Variants in GALNTL6 observed in about 807,000 individuals in gnomAD.
The protein encoded by GALNTL6 is polypeptide N-acetylgalactosaminyltransferase like 6.
A neutral mutation model predicts 73.7 loss-of-function variants in GALNTL6; 46 were observed. That is an observed-to-expected ratio of 0.62 (90% CI 0.49 to 0.80). The LOEUF (loss-of-function observed/expected upper bound fraction) is 0.80, where lower values mean the gene tolerates loss of function less well. Ranked by LOEUF, GALNTL6 falls within the 30% of genes least tolerant of loss-of-function variation. GALNTL6 has a pLI of 0.00. For synonymous variants in GALNTL6, 259 were observed against 263.7 expected (o/e 0.98, Z 0.17); for missense variants, 604 against 755.0 (o/e 0.80, Z 2.34).
chr4:172,052,831 T>A (rs1007511055), intron 2 of GALNTL6, among the ~76,000 whole-genome samples: 6 of 152,132 alleles, frequency 3.9e-5, no homozygotes, highest in African/African-American at 1.4e-4. Flanking sequence ...TCTACTAGCA[T>A]AAACATACAT....
rs116612577 is a variant in GALNTL6, at chr4:172,611,188, T to A, written c.554-198173T>A. ...CATTTAGCATGTTTACATTCAAGAT[T>A]AATATTGATATGTGCAGATTTGATC... On this transcript the variant is annotated intron_variant, in intron 5 of 12. Coordinates refer to ENST00000506823, the MANE Select transcript of GALNTL6 (RefSeq NM_001034845.3). 8.6e-3 allele frequency among the ~76,000 whole-genome samples: 1,301 copies of A among 152,152 alleles called. 21 individuals carry two copies. The highest frequency in any genetic ancestry group is 0.03 in the African/African-American group (1,235 of 41,522).
rs183763508 is a variant in GALNTL6 at position 171,900,345 on chromosome 4, T to C, written c.138+85627T>C. ...ATTTTTGAGACAGAGTCTCACTCTG[T>C]TGCCCAGGCTGGAGTGCAGTGGTGT... On this transcript the variant is annotated intron_variant, in intron 2 of 12. Coordinates refer to ENST00000506823, the MANE Select transcript of GALNTL6 (RefSeq NM_001034845.3). 3.3e-3 allele frequency among the ~76,000 whole-genome samples: 506 copies of C among 152,282 alleles called. 2 individuals carry two copies. The highest frequency in any genetic ancestry group is 8.1e-3 in the South Asian group (39 of 4,826).
chr4:172,148,710 C>A (rs1037204261), intron 2 of GALNTL6, among the ~76,000 whole-genome samples: 1 of 152,130 alleles, frequency 6.6e-6, no homozygotes, highest in Non-Finnish European at 1.5e-5. Flanking sequence ...ATTTGAAGAC[C>A]TTAGCTGCCA....
intron 5 of GALNTL6, among the ~76,000 whole-genome samples, chr4:172,590,923 G>A (rs771100144): frequency 5.9e-5 from 9 of 152,184 alleles, no homozygotes; most frequent in South Asian, 2.1e-4. Context: ...TTATTACTGC[G>A]TCGTGAAATG....
intron 5 of GALNTL6, among the ~76,000 whole-genome samples, chr4:172,716,256 C>T (rs1437857): frequency 1.8e-4 from 27 of 152,134 alleles, no homozygotes. Flanking sequence ...TGTCCATAGT[C>T]CCTGGGCTAA....
chr4:172,983,094 C>T (rs962503618), intron 10 of GALNTL6, among the ~76,000 whole-genome samples: 3 of 152,114 alleles, frequency 2.0e-5, no homozygotes, highest in Admixed American at 1.3e-4. Flanking sequence ...ACACATTCTA[C>T]GCATGTAACA....
At chr4:172,908,723 A>G (rs1747036277) in intron 8 of GALNTL6, among the ~76,000 whole-genome samples, 1 of 151,680 alleles carries the variant, frequency 6.6e-6, no homozygotes, top group African/African-American at 2.4e-5. Context: ...ACAATTTACA[A>G]CAGTGAAACA....
At chr4:172,177,813 GTGTGTGTATATATACACACACATATATA>G (rs1404300639) in intron 2 of GALNTL6, among the ~76,000 whole-genome samples, 22 of 121,036 alleles carry the variant, frequency 1.8e-4, no homozygotes, top group Middle Eastern at 3.8e-3. Flanking sequence ...ACACATATAT[GTGTGTGTATATATACACACACATATATA>G]TGTGTATATA....
At chr4:172,855,238 A>C (rs2111120330) in intron 7 of GALNTL6, among the ~76,000 whole-genome samples, 1 of 151,944 alleles carries the variant, frequency 6.6e-6, no homozygotes, top group Middle Eastern at 3.4e-3. Context: ...GGTTTTACAA[A>C]TAGTTTTCCT....
At chr4:172,042,489 G>A (rs1010426110) in intron 2 of GALNTL6, among the ~76,000 whole-genome samples, 17 of 151,696 alleles carry the variant, frequency 1.1e-4, no homozygotes, top group African/African-American at 2.4e-5. Context: ...ACGTTTTATA[G>A]CACTTCAAAC....
At chr4:172,212,491 G>A (rs932210663) in intron 2 of GALNTL6, among the ~76,000 whole-genome samples, 1 of 151,952 alleles carries the variant, frequency 6.6e-6, no homozygotes, top group African/African-American at 2.4e-5. Context: ...ATACATTAAG[G>A]TTCCCTGTTT....
chr4:172,322,231 C>T (rs76865332), intron 4 of GALNTL6, among the ~76,000 whole-genome samples: 3,978 of 152,208 alleles, frequency 0.026, 143 homozygotes, highest in African/African-American at 0.084. Flanking sequence ...GTCTTCTATG[C>T]GTAGTTCACT....
At chr4:172,880,519 T>A (rs1485515849) in intron 7 of GALNTL6, among the ~76,000 whole-genome samples, 2 of 152,012 alleles carry the variant, frequency 1.3e-5, no homozygotes, top group Admixed American at 1.3e-4. Context: ...TGAGAAGAGA[T>A]TACAAAGAGA....
At chr4:172,038,229 T>G (rs1216411237) in intron 2 of GALNTL6, among the ~76,000 whole-genome samples, 1 of 152,184 alleles carries the variant, frequency 6.6e-6, no homozygotes, top group Non-Finnish European at 1.5e-5. Context: ...TTTCTCTTGT[T>G]TTTTCCTGAT....
chr4:171,999,997 C>A (rs1300067969), intron 2 of GALNTL6, among the ~76,000 whole-genome samples: 2 of 152,016 alleles, frequency 1.3e-5, no homozygotes, highest in Non-Finnish European at 2.9e-5. Context: ...TAAAAGTTTT[C>A]TTTTGGAGAA....
At chr4:171,967,617 T>C (rs1739429714) in intron 2 of GALNTL6, among the ~76,000 whole-genome samples, 1 of 152,188 alleles carries the variant, frequency 6.6e-6, no homozygotes, top group Non-Finnish European at 1.5e-5. Context: ...TATTTGGCAA[T>C]ACTTACATGC....
chr4:172,162,163 G>C (rs755485216), intron 2 of GALNTL6, among the ~76,000 whole-genome samples: 1 of 151,864 alleles, frequency 6.6e-6, no homozygotes, highest in Non-Finnish European at 1.5e-5. Flanking sequence ...TGATCAGAGA[G>C]TGGTGTTAGA....
At chr4:172,946,901 T>G (rs1020541914) in intron 9 of GALNTL6, among the ~76,000 whole-genome samples, 9 of 152,158 alleles carry the variant, frequency 5.9e-5, no homozygotes, top group African/African-American at 2.2e-4. Flanking sequence ...TTGCCCAGGA[T>G]AAGCAAGGAC....
chr4:172,467,844 T>TTCTTTCTTTCTC (rs1243701659), intron 5 of GALNTL6, among the ~76,000 whole-genome samples: 10 of 150,376 alleles, frequency 6.7e-5, no homozygotes, highest in African/African-American at 2.4e-4. Context: ...CTTTCTTTCT[T>TTCTTTCTTTCTC]TCTTTCTTTC....
Sources: allele counts gnomAD v4.1 joint callset (sites outside exome capture counted in the v4.1 genomes callset), GRCh38; gene constraint gnomAD v4.1.1; transcripts MANE v1.5; gene names NCBI Gene and HGNC (gene_info 2026-07-23, HGNC 2026-07-21).